DTNBP1: variants seen among roughly 807,000 people sequenced by gnomAD.
The protein encoded by DTNBP1 is dysbindin.
Under a neutral mutation model 42.8 loss-of-function variants are expected in DTNBP1, and 35 were observed. The ratio of observed to expected loss-of-function variants is 0.82; its 90% CI spans 0.63 to 1.09. DTNBP1 has a LOEUF of 1.09. DTNBP1 is among the 50% of genes least tolerant of loss of function. The pLI is 0.00. For synonymous variants in DTNBP1, 171 were observed against 162.2 expected (o/e 1.05, Z -0.41); for missense variants, 457 against 424.2 (o/e 1.08, Z -0.68).
chr6:15,654,730 T>C (rs1203226480), intron 1 of DTNBP1, among the ~76,000 whole-genome samples: 1 of 152,174 alleles, frequency 6.6e-6, no homozygotes, highest in Non-Finnish European at 1.5e-5. Context: ...AGATTCCCCA[T>C]GTGGCTCTTT....
intron 7 of DTNBP1, among the ~76,000 whole-genome samples, chr6:15,585,064 A>AATATATATATATAT (rs59261831): frequency 1.7e-5 from 2 of 119,580 alleles, no homozygotes; most frequent in Non-Finnish European, 3.4e-5. Flanking sequence ...TTATGAAAAG[A>AATATATATATATAT]ATATATATAT....
intron 3 of DTNBP1, among the ~76,000 whole-genome samples, chr6:15,647,186 A>G (rs1760735121): frequency 6.6e-6 from 1 of 152,056 alleles, no homozygotes; most frequent in Non-Finnish European, 1.5e-5. Flanking sequence ...AAGTGAGCAA[A>G]GGATATGAAT....
rs61527015 is a variant in DTNBP1, at chr6:15,653,510, C to G, written c.57-1370G>C. 9.0e-3 allele frequency among the ~76,000 whole-genome samples: 1,368 copies of G among 152,322 alleles called. 22 individuals are homozygous for G. The highest frequency in any genetic ancestry group is 0.031 in the African/African-American group (1,290 of 41,576). On this transcript the variant is annotated intron_variant, in intron 1 of 9. Transcript: ENST00000344537. Reference sequence around the variant, plus strand: ...GCTTTTAAATTATTGCACTGGAAAACAGATAAATGGGCTAGAGCTGCATAT... The same window carrying G: ...GCTTTTAAATTATTGCACTGGAAAAGAGATAAATGGGCTAGAGCTGCATAT...
intron 7 of DTNBP1, among the ~76,000 whole-genome samples, chr6:15,586,562 TCTCTC>T (rs1159953635): frequency 1.3e-5 from 2 of 151,936 alleles, no homozygotes; most frequent in African/African-American, 2.4e-5. Flanking sequence ...TCAACCTAAC[TCTCTC>T]CTCTAACTAT....
intron 7 of DTNBP1, among the ~76,000 whole-genome samples, chr6:15,538,338 C>G (rs1168927903): frequency 6.6e-6 from 1 of 152,106 alleles, no homozygotes; most frequent in Non-Finnish European, 1.5e-5. Flanking sequence ...AGAGCATCCC[C>G]GGGCTGACAG....
At chr6:15,545,220 C>T (rs981171747) in intron 7 of DTNBP1, among the ~76,000 whole-genome samples, 6 of 152,144 alleles carry the variant, frequency 3.9e-5, no homozygotes, top group Non-Finnish European at 7.4e-5. Context: ...TTTCCTTATA[C>T]ATGAATTTTT....
chr6:15,663,032 C>T (rs940364318), upstream of DTNBP1: 1 of 943,070 alleles, frequency 1.1e-6, no homozygotes, highest in African/African-American at 1.8e-5. Flanking sequence ...CAACCCCAGC[C>T]CCTTCCGCGT....
At chr6:15,549,644 T>C (rs1774100947) in intron 7 of DTNBP1, among the ~76,000 whole-genome samples, 1 of 152,088 alleles carries the variant, frequency 6.6e-6, no homozygotes, top group Admixed American at 6.6e-5. Context: ...GCAGCAACTC[T>C]GGGCCTCCCC....
chr6:15,626,221 A>T (rs895965391), intron 5 of DTNBP1, among the ~76,000 whole-genome samples: 3 of 152,214 alleles, frequency 2.0e-5, no homozygotes, highest in African/African-American at 7.2e-5. Context: ...TTATCTGTAA[A>T]TTGGGAATAA....
In DTNBP1 at chr6:15,661,682, G is replaced by A. The variant is rs541292865; in HGVS notation, c.56+1132C>T. Among the ~76,000 whole-genome samples the A allele has an allele frequency of 3.9e-5, 6 of 152,058 alleles. 1 individual carries two copies. The East Asian group carries it at 1.2e-3, about 29-fold the overall frequency. ...GGGTGGGGGGGAGAAATTTAAAACA[G>A]TATGAGTGGAAATGTTCTCACATTC... On this transcript the variant is annotated intron_variant, in intron 1 of 9. Coordinates refer to ENST00000344537, the MANE Select transcript of DTNBP1 (RefSeq NM_032122.5).
chr6:15,628,091 T>C (rs577917904), intron 4 of DTNBP1, among the ~76,000 whole-genome samples: 7 of 152,290 alleles, frequency 4.6e-5, no homozygotes, highest in African/African-American at 1.7e-4. Context: ...GTTGTGAAAT[T>C]CTAGAATAGC....
chr6:15,548,100 T>C (rs530000774), intron 7 of DTNBP1, among the ~76,000 whole-genome samples: 15 of 152,198 alleles, frequency 9.9e-5, no homozygotes, highest in Non-Finnish European at 1.8e-4. Context: ...ATAACAAAGC[T>C]AATCACAATG....
chr6:15,593,223 T>C, intron 6 of DTNBP1, 142 bp from the exon 7 acceptor site: 3 of 764,136 alleles, frequency 3.9e-6, no homozygotes, highest in East Asian at 5.4e-5. Flanking sequence ...AGTTATACTT[T>C]ACTGAAATGA....
chr6:15,546,325 A>G (rs1014792027), intron 7 of DTNBP1, among the ~76,000 whole-genome samples: 26 of 151,948 alleles, frequency 1.7e-4, no homozygotes, highest in Admixed American at 4.6e-4. Flanking sequence ...TCAGCCTCCC[A>G]AAGTGCTGGG....
intron 4 of DTNBP1, among the ~76,000 whole-genome samples, chr6:15,632,054 T>C (rs1759725887): frequency 6.6e-6 from 1 of 152,220 alleles, no homozygotes; most frequent in Non-Finnish European, 1.5e-5. Flanking sequence ...GAACATATTT[T>C]ACTGTGTACT....
At chr6:15,589,498 G>A (rs144691075) in intron 7 of DTNBP1, among the ~76,000 whole-genome samples, 2 of 152,172 alleles carry the variant, frequency 1.3e-5, no homozygotes, top group Admixed American at 1.3e-4. Context: ...AGTCTCACTA[G>A]CATCCATGGT....
intron 5 of DTNBP1, among the ~76,000 whole-genome samples, chr6:15,623,396 T>A (rs1033078321): frequency 6.6e-6 from 1 of 152,180 alleles, no homozygotes; most frequent in African/African-American, 2.4e-5. Flanking sequence ...GTTAACAGCA[T>A]CTTCTGGCTG....
intron 6 of DTNBP1, among the ~76,000 whole-genome samples, chr6:15,597,635 T>C (rs1446340019): frequency 6.6e-6 from 1 of 152,224 alleles, no homozygotes; most frequent in African/African-American, 2.4e-5. Flanking sequence ...ATATTATACA[T>C]TTCATGTGCT....
intron 6 of DTNBP1, among the ~76,000 whole-genome samples, chr6:15,607,134 T>C (rs1276050129): frequency 2.7e-5 from 4 of 150,692 alleles, no homozygotes; most frequent in African/African-American, 9.8e-5. Context: ...CCTTAGCCTC[T>C]TGAGTGTCTG....
Sources: gnomAD v4.1 joint callset for allele counts (sites outside exome capture counted in the v4.1 genomes callset) on GRCh38, gnomAD v4.1.1 for gene constraint, MANE v1.5 for transcripts, NCBI Gene and HGNC (gene_info 2026-07-23, HGNC 2026-07-21) for gene names.